The following NCAPH2 variants were observed in gnomAD, a reference collection of about 807,000 sequenced individuals.
NCAPH2 encodes condensin-2 complex subunit H2.
Under a neutral mutation model 88.6 loss-of-function variants are expected in NCAPH2, and 56 were observed. The ratio of observed to expected loss-of-function variants is 0.63; its 90% confidence interval spans 0.51 to 0.79. The LOEUF is 0.79. Ranked by LOEUF, NCAPH2 falls within the 30% of genes least tolerant of loss-of-function variation. The pLI is 0.00. For missense variants in NCAPH2, 794 were observed against 792.0 expected (o/e 1.00, Z -0.03); for synonymous variants, 378 against 313.6 (o/e 1.21, Z -2.17).
In NCAPH2 at chr22:50,516,415, G is replaced by A. The variant is rs762880728; in HGVS notation, c.109-32G>A. ...AGAAGCGAGTGCAGACTGGGCCTTG[G>A]ATTCCCCCTGTCTTTGTGTTGTTTC... On this transcript the variant is annotated intron_variant, in intron 1 of 19. Transcript: ENST00000420993. The A allele has an allele frequency of 1.7e-5, 27 of 1,606,790 alleles. No individual in the cohort carries two copies. In the South Asian group the frequency reaches 2.9e-4, roughly 17 times the overall value.
chr22:50,518,071 C>A lies in NCAPH2; in HGVS notation c.500+19C>A. The A allele has an allele frequency of 1.2e-6, 2 of 1,613,378 alleles. No homozygotes were observed. Among genetic ancestry groups the A allele is most frequent in the Non-Finnish European group, 1.7e-6 (2 of 1,179,570 alleles). The stretch of plus-strand genomic sequence containing the variant: ...TGTACAGGTAGGGATCTGAGCCCAG[C>A]GACGGGGAGGGAGGCCTGCCTGGGA... On this transcript the variant is annotated intron_variant, in intron 6 of 19. Transcript: ENST00000420993.
chr22:50,517,634 C>T lies in NCAPH2; in HGVS notation c.324C>T (p.Ser108=), dbSNP rs1288391707. Residue 108 remains serine, a synonymous_variant, in exon 4 of 20, where the codon TCC becomes TCT. Coordinates refer to ENST00000420993, the MANE Select transcript of NCAPH2 (RefSeq NM_152299.4). ...QEDRANGVAS[S]GVPQEAENEF... ...ACAGGGCCAATGGGGTTGCCAGCTC[C>T]GGGGTCCCCCAGGAGGCAGAGAATG... The T allele has an allele frequency of 1.2e-5, 20 of 1,614,126 alleles. No homozygotes were observed. The highest frequency in any genetic ancestry group is 1.6e-4 in the Middle Eastern group (1 of 6,062).
intron 1 of NCAPH2, among the ~76,000 whole-genome samples, chr22:50,511,366 T>C (rs1426223818): frequency 7.1e-6 from 1 of 139,988 alleles, no homozygotes; most frequent in Non-Finnish European, 1.5e-5. Flanking sequence ...CTCGGCTCAC[T>C]GCAAGCTCCA....
chr22:50,514,162 G>A (rs1405279932), intron 1 of NCAPH2, among the ~76,000 whole-genome samples: 2 of 152,182 alleles, frequency 1.3e-5, no homozygotes. Flanking sequence ...ATAGAGCAGA[G>A]GAGGGCAGGC....
At chr22:50,517,915 C>T in intron 5 of NCAPH2, 58 bp from the exon 6 acceptor site, 1 of 1,603,952 alleles carries the variant, frequency 6.2e-7, no homozygotes, top group Non-Finnish European at 8.5e-7. Context: ...CCATGTGGGT[C>T]CTGTTCTCCA....
Position 50,517,792 on chromosome 22 carries a change from A to G in NCAPH2, c.403A>G (p.Asn135Asp). 1 of 1,613,882 alleles carries G rather than the reference A, an allele frequency of 6.2e-7. No individual in the cohort carries two copies. Among genetic ancestry groups the G allele is most frequent in the Non-Finnish European group, 8.5e-7 (1 of 1,180,002 alleles). ...PDSRTNVDLK[N>D]DQTPSEVLII... ...CTCCCGGACTAACGTGGATCTCAAG[A>G]ATGATCAGACGCCCAGTGTGAGTCC... is the stretch of plus-strand genomic sequence containing the variant. Residue 135 changes from asparagine (N) to aspartate (D), a missense_variant, in exon 5 of 20, where the codon AAT (asparagine) becomes GAT (aspartate). Physicochemically the swap from Asn to Asp is conservative, Grantham distance 23. This residue lies in a region of NCAPH2 where 735 missense variants were observed against 696.3 expected (regional missense o/e 1.06). Coordinates refer to ENST00000420993, the MANE Select transcript of NCAPH2 (RefSeq NM_152299.4).
rs1340078564 is a variant in NCAPH2 at position 50,524,751 on chromosome 22, T to C, written c.*1376T>C. ...CCTTGCCTGAACTAACCACGTTATC[T>C]ATTTGCAATAAACCCATTTCTTAAA... On this transcript the variant is annotated 3_prime_UTR_variant, in exon 20 of 20. Transcript: ENST00000420993. 2.0e-6 allele frequency: 1 copy of C among 512,368 alleles called. No homozygotes were observed. Among genetic ancestry groups the C allele is most frequent in the South Asian group, 1.6e-5 (1 of 62,542 alleles). 31.7% of individuals were successfully genotyped at this position (512,368 alleles called of 1,614,324 possible).
intron 1 of NCAPH2, among the ~76,000 whole-genome samples, chr22:50,511,113 T>G (rs2068770469): frequency 1.3e-5 from 2 of 151,546 alleles, no homozygotes; most frequent in African/African-American, 4.9e-5. Context: ...CCCAAAGTGC[T>G]GGGATTACAG....
Position 50,522,997 on chromosome 22 carries a change from C to T in NCAPH2, c.1528-20C>T, listed in dbSNP as rs1234990489. Reference sequence around the variant, plus strand: ...GGGCCTTGCCTCTCTCCGCAGCCAACATGCCCCTCCCCTGTGCAGGAGCAG... The same window carrying T: ...GGGCCTTGCCTCTCTCCGCAGCCAATATGCCCCTCCCCTGTGCAGGAGCAG... On this transcript the variant is annotated intron_variant, in intron 18 of 19. Transcript: ENST00000420993. The T allele has an allele frequency of 6.2e-7, 1 of 1,606,238 alleles. No homozygotes were observed. The highest frequency in any genetic ancestry group is 8.5e-7 in the Non-Finnish European group (1 of 1,175,474).
chr22:50,521,410 C>A (rs1303729093), intron 10 of NCAPH2, 133 bp from the exon 11 acceptor site: 3 of 925,454 alleles, frequency 3.2e-6, no homozygotes, highest in Admixed American at 3.7e-5. Context: ...GCACCCCCTA[C>A]TCCTCCTTTG....
chr22:50,519,683 G>A (rs1228049935), intron 9 of NCAPH2: 2 of 1,115,556 alleles, frequency 1.8e-6, no homozygotes, highest in Non-Finnish European at 2.2e-6. Context: ...CTCAACCCCC[G>A]GGGTCAACTG....
Position 50,524,084 on chromosome 22 carries a change from T to C in NCAPH2, c.*709T>C. 1 of 1,613,180 alleles carries C rather than the reference T, an allele frequency of 6.2e-7. No individual in the cohort carries two copies. The highest frequency in any genetic ancestry group is 1.3e-5 in the African/African-American group (1 of 75,048). ...TCAGCCTTGCAGCGAGCCCGGCCTC[T>C]GTGATCCAGCAGGTGGAAGTCGCCC... On this transcript the variant is annotated 3_prime_UTR_variant, in exon 20 of 20. Coordinates refer to ENST00000420993, the MANE Select transcript of NCAPH2 (RefSeq NM_152299.4).
intron 1 of NCAPH2, among the ~76,000 whole-genome samples, chr22:50,514,450 C>T (rs2068863547): frequency 6.6e-6 from 1 of 152,080 alleles, no homozygotes; most frequent in African/African-American, 2.4e-5. Flanking sequence ...AGTGTGGATG[C>T]ATTCAGTATG....
At chr22:50,523,205 C>G (rs756603357) in intron 19 of NCAPH2, 30 bp from the exon 20 acceptor site, 1 of 1,613,610 alleles carries the variant, frequency 6.2e-7, no homozygotes, top group Non-Finnish European at 8.5e-7. Context: ...GAGACGGTCC[C>G]CAGACCCTGC....
At chr22:50,515,813 G>A (rs1603440879) in intron 1 of NCAPH2, 4 of 1,292,300 alleles carry the variant, frequency 3.1e-6, no homozygotes, top group Non-Finnish European at 4.1e-6. Context: ...ACATTTGAAT[G>A]TACTCTGTGG....
At chr22:50,517,691 C>T in intron 4 of NCAPH2, 30 bp downstream of exon 4, 1 of 1,614,132 alleles carries the variant, frequency 6.2e-7, no homozygotes, top group East Asian at 2.2e-5. Flanking sequence ...GGTCCCCGCC[C>T]ACTGTGTGTT....
Position 50,523,396 on chromosome 22 carries a change from G to A in NCAPH2, c.*21G>A. On this transcript the variant is annotated 3_prime_UTR_variant, in exon 20 of 20. Coordinates refer to ENST00000420993, the MANE Select transcript of NCAPH2 (RefSeq NM_152299.4). Reference sequence around the variant, plus strand: ...CCTGAGTGGGGAGCACCGAGGCAGGGGTGGGGGAATGTGTACTGAGGAGCC... The same window carrying A: ...CCTGAGTGGGGAGCACCGAGGCAGGAGTGGGGGAATGTGTACTGAGGAGCC... 2 of 1,533,896 alleles carry A rather than the reference G, an allele frequency of 1.3e-6. No individual in the cohort carries two copies. The highest frequency in any genetic ancestry group is 2.4e-5 in the South Asian group (2 of 82,928).
At chr22:50,518,399 G>C in intron 7 of NCAPH2, 121 bp downstream of exon 7, 1 of 1,415,854 alleles carries the variant, frequency 7.1e-7, no homozygotes, top group Non-Finnish European at 9.5e-7. Context: ...CTGGGTGCCT[G>C]CTCTAGTCTA....
intron 1 of NCAPH2, chr22:50,515,744 G>T (rs1344129177): frequency 1.6e-6 from 2 of 1,238,446 alleles, no homozygotes; most frequent in East Asian, 1.2e-4. Context: ...AAGGAATACA[G>T]GAGATGAGCC....
Sources: gnomAD v4.1 joint callset for allele counts (sites outside exome capture counted in the v4.1 genomes callset) on GRCh38, gnomAD v4.1.1 for gene constraint, gnomAD v4.1.1 regional missense constraint, MANE v1.5 for transcripts, NCBI Gene and HGNC (gene_info 2026-07-23, HGNC 2026-07-21) for gene names.